Variants in BMPR1A observed in about 807,000 individuals in gnomAD.
BMPR1A encodes bone morphogenetic protein receptor type 1A, also known as bone morphogenetic protein receptor type-1A.
BMPR1A carries 7 observed loss-of-function variants against 66.0 expected under a neutral mutation model. That is an observed-to-expected ratio of 0.11 (90% CI 0.06 to 0.20). The LOEUF (loss-of-function observed/expected upper bound fraction) is 0.20, where lower values mean the gene tolerates loss of function less well. Ranked by LOEUF, BMPR1A falls within the 10% of genes least tolerant of loss-of-function variation. BMPR1A has a pLI of 1.00. For missense variants in BMPR1A, 408 were observed against 669.1 expected (o/e 0.61, Z 4.31); for synonymous variants, 200 against 229.7 (o/e 0.87, Z 1.17).
chr10:86,898,618 T>A (rs1178818145), intron 5 of BMPR1A, among the ~76,000 whole-genome samples: 1 of 152,212 alleles, frequency 6.6e-6, no homozygotes, highest in African/African-American at 2.4e-5. Flanking sequence ...TCATCCACTG[T>A]CATGTCAGCA....
chr10:86,832,055 T>C (rs1842275278), intron 1 of BMPR1A, among the ~76,000 whole-genome samples: 1 of 152,206 alleles, frequency 6.6e-6, no homozygotes, highest in Non-Finnish European at 1.5e-5. Flanking sequence ...ACTAGAATCC[T>C]GTGGAACGAA....
At chr10:86,894,583 T>C (rs1346807917) in intron 5 of BMPR1A, among the ~76,000 whole-genome samples, 1 of 152,298 alleles carries the variant, frequency 6.6e-6, no homozygotes, top group East Asian at 1.9e-4. Context: ...TGTAGGCCTG[T>C]CCTAAGCTGA....
intron 1 of BMPR1A, among the ~76,000 whole-genome samples, chr10:86,825,365 A>C (rs1177841574): frequency 6.6e-6 from 1 of 152,174 alleles, no homozygotes; most frequent in Non-Finnish European, 1.5e-5. Context: ...TGAATTGCCA[A>C]AATAAACATC....
At chr10:86,879,237 GA>G (rs1842957295) in intron 3 of BMPR1A, among the ~76,000 whole-genome samples, 1 of 152,156 alleles carries the variant, frequency 6.6e-6, no homozygotes, top group Non-Finnish European at 1.5e-5. Flanking sequence ...AGCTTGAGTT[GA>G]CAATGCTCAG....
intron 2 of BMPR1A, among the ~76,000 whole-genome samples, chr10:86,869,447 ACT>A (rs1413050481): frequency 1.5e-5 from 2 of 130,904 alleles, no homozygotes; most frequent in African/African-American, 3.1e-5. Context: ...ACAGAGCAAG[ACT>A]CTGTCTCAAA....
intron 1 of BMPR1A, among the ~76,000 whole-genome samples, chr10:86,832,282 A>G (rs1050581542): frequency 1.3e-5 from 2 of 152,156 alleles, no homozygotes; most frequent in Admixed American, 1.3e-4. Flanking sequence ...CCTGGCCAAG[A>G]TGGTGAAACC....
At chr10:86,830,420 C>A (rs1842252402) in intron 1 of BMPR1A, among the ~76,000 whole-genome samples, 1 of 152,210 alleles carries the variant, frequency 6.6e-6, no homozygotes, top group African/African-American at 2.4e-5. Context: ...TGGTGGCTTA[C>A]CTGTAAGTAG....
chr10:86,929,945 ATAG>A (rs1413786780), downstream of BMPR1A: 7 of 152,258 alleles, frequency 4.6e-5, no homozygotes, highest in African/African-American at 1.7e-4. Context: ...ACATTTGCTG[ATAG>A]TAGTAGCATA....
At chr10:86,781,339 G>A (rs1039169440) in intron 1 of BMPR1A, among the ~76,000 whole-genome samples, 1 of 152,140 alleles carries the variant, frequency 6.6e-6, no homozygotes, top group Admixed American at 6.5e-5. Context: ...TCCGCTGGCT[G>A]TAGATAGGTA....
rs184833064 is a variant in BMPR1A, at chr10:86,853,695, C to T, written c.-153+14716C>T. Reference sequence around the variant, plus strand: ...GGAGACATCACATGTCGGTAGATTCCGTGATGCCCCACAAGCCGTGAAACC... The same window carrying T: ...GGAGACATCACATGTCGGTAGATTCTGTGATGCCCCACAAGCCGTGAAACC... On this transcript the variant is annotated intron_variant, in intron 2 of 12. Coordinates refer to ENST00000372037, the MANE Select transcript of BMPR1A (RefSeq NM_004329.3). Among the ~76,000 whole-genome samples, 396 of 152,160 alleles carry T rather than the reference C, an allele frequency of 2.6e-3. 4 individuals are homozygous for T. Among genetic ancestry groups the T allele is most frequent in the African/African-American group, 9.2e-3 (380 of 41,484 alleles).
intron 1 of BMPR1A, among the ~76,000 whole-genome samples, chr10:86,772,148 T>TG (rs1554876828): frequency 1.6e-5 from 2 of 122,070 alleles, no homozygotes; most frequent in Non-Finnish European, 1.8e-5. Context: ...TTTTTTTTTT[T>TG]GAGACAGAGT....
At chr10:86,791,290 G>T (rs1018575459) in intron 1 of BMPR1A, among the ~76,000 whole-genome samples, 1 of 150,254 alleles carries the variant, frequency 6.7e-6, no homozygotes, top group African/African-American at 2.5e-5. Context: ...TCGGCTCACT[G>T]CAAGCTCCGC....
At chr10:86,903,318 T>G (rs1035671380) in intron 7 of BMPR1A, among the ~76,000 whole-genome samples, 1 of 152,108 alleles carries the variant, frequency 6.6e-6, no homozygotes, top group Non-Finnish European at 1.5e-5. Context: ...TGTACAAAAG[T>G]TAAATCAAGA....
intron 2 of BMPR1A, among the ~76,000 whole-genome samples, chr10:86,839,497 G>A (rs1312215446): frequency 1.3e-5 from 2 of 149,924 alleles, no homozygotes; most frequent in African/African-American, 4.9e-5. Flanking sequence ...GGAGGCTGAG[G>A]CATGAGAATT....
Position 86,925,631 on chromosome 10 carries a change from G to A in BMPR1A, c.*1912G>A, listed in dbSNP as rs7919226. 10,241 of 194,022 alleles carry A rather than the reference G, an allele frequency of 0.053. 708 individuals carry two copies. Among genetic ancestry groups the A allele is most frequent in the African/African-American group, 0.17 (7,296 of 42,770 alleles). The allele number at this position is 194,022 out of a possible 1,614,324, so 12.0% of individuals were successfully genotyped here. A position where few individuals can be genotyped will look rare whatever the true frequency, so the allele number is the denominator to read the frequency against. ...TACAAATATTTTAATCTGCGTTGCCGTATGATATGATTGCACTTAGAACAC... is the reference window on the plus strand; with the variant it reads ...TACAAATATTTTAATCTGCGTTGCCATATGATATGATTGCACTTAGAACAC... On this transcript the variant is annotated 3_prime_UTR_variant, in exon 13 of 13. Transcript: ENST00000372037.
intron 1 of BMPR1A, among the ~76,000 whole-genome samples, chr10:86,814,446 G>C (rs1438189905): frequency 3.3e-5 from 5 of 151,856 alleles, no homozygotes; most frequent in Non-Finnish European, 5.9e-5. Flanking sequence ...TTCGTTTTTG[G>C]TTTTTAGAAT....
rs2883279 is a variant in BMPR1A, at chr10:86,763,185, C to T, written c.-268+6266C>T. Among the ~76,000 whole-genome samples, 40,474 of 152,134 alleles carry T rather than the reference C, an allele frequency of 0.27. 6,810 individuals carry two copies. The highest frequency in any genetic ancestry group is 0.7 in the East Asian group (3,588 of 5,162). On this transcript the variant is annotated intron_variant, in intron 1 of 12. Transcript: ENST00000372037. ...CTGGGATTACAGGCATGAGCCACTG[C>T]GCCCGGCCAGAAGTATTCGGTAAAG...
chr10:86,800,281 C>T (rs1841792754), intron 1 of BMPR1A, among the ~76,000 whole-genome samples: 1 of 152,170 alleles, frequency 6.6e-6, no homozygotes, highest in African/African-American at 2.4e-5. Context: ...GCCCGGCTCT[C>T]AGTTGCCATC....
chr10:86,854,829 A>T, intron 2 of BMPR1A: 1 of 251,300 alleles, frequency 4.0e-6, no homozygotes. Context: ...GTATCTGAGC[A>T]CCTAAAAGGT....
Sources: allele counts gnomAD v4.1 joint callset (sites outside exome capture counted in the v4.1 genomes callset), GRCh38; gene constraint gnomAD v4.1.1; transcripts MANE v1.5; gene names NCBI Gene and HGNC (gene_info 2026-07-23, HGNC 2026-07-21).